ZBTB20: variants seen among roughly 807,000 people sequenced by gnomAD.
ZBTB20 encodes zinc finger and BTB domain-containing protein 20.
ZBTB20 carries 9 observed loss-of-function variants against 56.9 expected under a neutral mutation model. The ratio of observed to expected loss-of-function variants is 0.16; its 90% confidence interval spans 0.10 to 0.28. The LOEUF is 0.28. Ranked by LOEUF, ZBTB20 falls within the 10% of genes least tolerant of loss-of-function variation. The pLI is 1.00. For missense variants in ZBTB20, 655 were observed against 1,003.0 expected (o/e 0.65, Z 4.69); for synonymous variants, 417 against 420.7 (o/e 0.99, Z 0.11).
chr3:114,355,063 C>G (rs537676386), intron 10 of ZBTB20, among the ~76,000 whole-genome samples: 2 of 152,036 alleles, frequency 1.3e-5, no homozygotes, highest in South Asian at 4.2e-4. Flanking sequence ...CTTGAAGTGC[C>G]CAAAGATCGA....
intron 4 of ZBTB20, among the ~76,000 whole-genome samples, chr3:114,837,770 A>T (rs1446761886): frequency 6.6e-6 from 1 of 152,148 alleles, no homozygotes; most frequent in Non-Finnish European, 1.5e-5. Context: ...CCAATACTAA[A>T]GGAGAGGAAA....
chr3:114,975,056 T>C (rs1398312357), intron 2 of ZBTB20, among the ~76,000 whole-genome samples: 2 of 152,192 alleles, frequency 1.3e-5, no homozygotes, highest in Non-Finnish European at 2.9e-5. Flanking sequence ...AGTAGGGTCC[T>C]ACCCATATTT....
At chr3:114,877,945 A>G (rs2076257776) in intron 4 of ZBTB20, among the ~76,000 whole-genome samples, 3 of 152,162 alleles carry the variant, frequency 2.0e-5, no homozygotes, top group South Asian at 2.1e-4. Context: ...ATAAAAACCA[A>G]CCAGCTTGGT....
Position 114,324,838 on chromosome 3 carries a change from G to A in ZBTB20, c.*14167C>T, listed in dbSNP as rs936788438. 1 of 152,110 alleles carries A rather than the reference G, an allele frequency of 6.6e-6. No individual in the cohort carries two copies. Among genetic ancestry groups the A allele is most frequent in the Admixed American group, 6.5e-5 (1 of 15,268 alleles). The allele number at this position is 152,110 out of a possible 1,614,324, so 9.4% of individuals were successfully genotyped here. A position where few individuals can be genotyped will look rare whatever the true frequency, so the allele number is the denominator to read the frequency against. The stretch of plus-strand genomic sequence containing the variant: ...TGTATTTGATCATCCTCAGGAATCC[G>A]TTTCTTCAGTTTGTCTGGGTCTTCA... On this transcript the variant is annotated 3_prime_UTR_variant, in exon 12 of 12. Transcript: ENST00000675478.
chr3:114,752,241 C>G (rs957953496), intron 5 of ZBTB20, among the ~76,000 whole-genome samples: 2 of 45,280 alleles, frequency 4.4e-5, no homozygotes, highest in African/African-American at 4.3e-5. Context: ...CCCAAGGAAT[C>G]TGACTCTCGT....
At chr3:114,673,514 A>G (rs574214435) in intron 6 of ZBTB20, among the ~76,000 whole-genome samples, 10 of 152,304 alleles carry the variant, frequency 6.6e-5, no homozygotes, top group Admixed American at 1.3e-4. Context: ...TGAAACCATT[A>G]TAAGTAGAAA....
intron 6 of ZBTB20, among the ~76,000 whole-genome samples, chr3:114,590,480 A>G (rs1405397165): frequency 6.7e-6 from 1 of 148,356 alleles, no homozygotes; most frequent in Non-Finnish European, 1.5e-5. Context: ...ATAAATAAAT[A>G]AATTTATTTA....
intron 11 of ZBTB20, among the ~76,000 whole-genome samples, chr3:114,346,756 G>T (rs947668394): frequency 1.4e-5 from 2 of 147,850 alleles, no homozygotes; most frequent in Admixed American, 6.9e-5. Flanking sequence ...TGTGATCTCC[G>T]CTCACTGTAA....
intron 1 of ZBTB20, among the ~76,000 whole-genome samples, chr3:115,113,429 A>C (rs567150560): frequency 1.3e-5 from 2 of 152,338 alleles, no homozygotes; most frequent in African/African-American, 4.8e-5. Flanking sequence ...GCATTGGTAT[A>C]AGATCAAAGG....
intron 6 of ZBTB20, among the ~76,000 whole-genome samples, chr3:114,555,705 G>A (rs755486503): frequency 7.9e-5 from 12 of 152,212 alleles, no homozygotes; most frequent in Non-Finnish European, 1.5e-4. Context: ...ATGCTCCATA[G>A]AGGCCTTATG....
chr3:115,007,792 C>T (rs530616070), intron 2 of ZBTB20, among the ~76,000 whole-genome samples: 2 of 151,802 alleles, frequency 1.3e-5, no homozygotes, highest in Non-Finnish European at 2.9e-5. Flanking sequence ...CCACCAAGAT[C>T]GCAAATCACA....
At chr3:114,943,311 T>C (rs1157681125) in intron 3 of ZBTB20, among the ~76,000 whole-genome samples, 2 of 145,290 alleles carry the variant, frequency 1.4e-5, no homozygotes, top group Admixed American at 1.3e-4. Context: ...TGGAAAAATA[T>C]AATACCATAC....
intron 7 of ZBTB20, among the ~76,000 whole-genome samples, chr3:114,422,427 C>T (rs757951503): frequency 5.3e-5 from 8 of 152,106 alleles, no homozygotes; most frequent in Non-Finnish European, 1.2e-4. Flanking sequence ...GGACGTTACC[C>T]GCCTTACATG....
chr3:114,697,681 G>A (rs924839380), intron 5 of ZBTB20, among the ~76,000 whole-genome samples: 18 of 151,748 alleles, frequency 1.2e-4, no homozygotes, highest in African/African-American at 3.4e-4. Context: ...GGCGGTTAGC[G>A]TTTACTATTG....
chr3:114,888,908 C>G lies in ZBTB20; in HGVS notation c.-417+11396G>C, dbSNP rs533485603. On this transcript the variant is annotated intron_variant, in intron 4 of 11. Coordinates refer to ENST00000675478, the MANE Select transcript of ZBTB20 (RefSeq NM_001348800.3). Reference sequence around the variant, plus strand: ...CTGTGCATATTTTTATGTACTTACACTTAAATCTTAACTTTCAGATAGTCC... The same window carrying G: ...CTGTGCATATTTTTATGTACTTACAGTTAAATCTTAACTTTCAGATAGTCC... Among the ~76,000 whole-genome samples, 500 of 152,166 alleles carry G rather than the reference C, an allele frequency of 3.3e-3. 1 individual carries two copies. The highest frequency in any genetic ancestry group is 5.9e-3 in the Non-Finnish European group (403 of 67,956).
chr3:114,943,642 A>G (rs937526608), intron 3 of ZBTB20, among the ~76,000 whole-genome samples: 2 of 145,544 alleles, frequency 1.4e-5, no homozygotes, highest in East Asian at 1.9e-4. Flanking sequence ...ACTTGAAAAT[A>G]GGTTAATAGA....
chr3:114,407,549 A>G (rs531538003), intron 7 of ZBTB20, among the ~76,000 whole-genome samples: 1 of 152,326 alleles, frequency 6.6e-6, no homozygotes, highest in East Asian at 1.9e-4. Context: ...GCACATTTTT[A>G]GGATAAGGTG....
At chr3:114,813,233 G>A (rs2072685583) in intron 4 of ZBTB20, among the ~76,000 whole-genome samples, 1 of 152,208 alleles carries the variant, frequency 6.6e-6, no homozygotes, top group African/African-American at 2.4e-5. Context: ...TTATCAATAG[G>A]GCAATATCCA....
chr3:114,514,779 C>CT (rs2045799138), intron 6 of ZBTB20, among the ~76,000 whole-genome samples: 1 of 152,104 alleles, frequency 6.6e-6, no homozygotes, highest in South Asian at 2.1e-4. Context: ...TGTAGACTCT[C>CT]TAACAGAATA....
Sources: allele counts gnomAD v4.1 joint callset (sites outside exome capture counted in the v4.1 genomes callset), GRCh38; gene constraint gnomAD v4.1.1; transcripts MANE v1.5; gene names NCBI Gene and HGNC (gene_info 2026-07-23, HGNC 2026-07-21).